The following GRIP1 variants were observed in gnomAD, a reference collection of about 807,000 sequenced individuals.
GRIP1 encodes the protein glutamate receptor-interacting protein 1.
A neutral mutation model predicts 129.9 loss-of-function variants in GRIP1; 45 were observed. The ratio of observed to expected loss-of-function variants is 0.35; its 90% confidence interval spans 0.27 to 0.44. The LOEUF (loss-of-function observed/expected upper bound fraction) is 0.44, where lower values mean the gene tolerates loss of function less well. Among genes scored for constraint, GRIP1 ranks in the 20% least tolerant of loss-of-function variants. GRIP1 has a pLI of 1.00. For missense variants in GRIP1, 1,196 were observed against 1,396.8 expected, an observed-to-expected ratio of 0.86 and a Z score of 2.29; for synonymous variants, 530 against 520.8, an observed-to-expected ratio of 1.02 and a Z score of -0.24.
intron 19 of GRIP1, 26 bp downstream of exon 19, chr12:66,392,282 C>G: frequency 1.5e-6 from 2 of 1,373,118 alleles, no homozygotes; most frequent in Non-Finnish European, 2.1e-6. Context: ...ATGACAAGTC[C>G]TCTGGGGGAC....
At chr12:66,810,596 A>AG (rs35741614) in intron 1 of GRIP1, among the ~76,000 whole-genome samples, 98,572 of 151,774 alleles carry the variant, frequency 0.65, 32,143 homozygotes, top group African/African-American at 0.71. Context: ...TAGTTATGTG[A>AG]GGTAGATAGG....
intron 1 of GRIP1, among the ~76,000 whole-genome samples, chr12:66,760,013 C>T (rs528499115): frequency 6.6e-6 from 1 of 152,158 alleles, no homozygotes; most frequent in African/African-American, 2.4e-5. Flanking sequence ...CACCACCATG[C>T]CTGGCTAAGT....
rs1348992752 is a variant in GRIP1 at position 66,627,240 on chromosome 12, G to A, written c.56-30313C>T. ...TAAGATGTTTCTGTACTGCTAAGGAGACTGCAATCCTGAAATTCAACACAA... is the reference window on the plus strand; with the variant it reads ...TAAGATGTTTCTGTACTGCTAAGGAAACTGCAATCCTGAAATTCAACACAA... On this transcript the variant is annotated intron_variant, in intron 1 of 24. Transcript: ENST00000359742. Among the ~76,000 whole-genome samples the A allele has an allele frequency of 2.0e-5, 3 of 152,134 alleles. 1 individual carries two copies. Among genetic ancestry groups the A allele is most frequent in the African/African-American group, 7.2e-5 (3 of 41,414 alleles).
At chr12:67,061,207 A>G (rs1402871183) in intron 1 of GRIP1, among the ~76,000 whole-genome samples, 1 of 152,256 alleles carries the variant, frequency 6.6e-6, no homozygotes, top group Non-Finnish European at 1.5e-5. Flanking sequence ...ATGAAACACA[A>G]GTTATCCAAA....
rs1196673341 is a variant in GRIP1, at chr12:66,959,683, C to T, written c.58+109367G>A. On this transcript the variant is annotated intron_variant, in intron 1 of 1. Coordinates refer to the GRIP1 transcript ENST00000643019. The stretch of plus-strand genomic sequence containing the variant: ...TAGAAAATATCATTTTAAAAAGCAG[C>T]TTCAAATATATATGTATCTCTTTCC... Among the ~76,000 whole-genome samples, 5 of 152,074 alleles carry T rather than the reference C, an allele frequency of 3.3e-5. No homozygotes were observed. The East Asian group carries it at 9.6e-4, about 29-fold the overall frequency.
intron 17 of GRIP1, 122 bp from the exon 18 acceptor site, chr12:66,392,938 C>T: frequency 1.0e-6 from 1 of 952,546 alleles, no homozygotes; most frequent in South Asian, 1.3e-5. Context: ...TCCAGAAGTC[C>T]CTTCTTGCTT....
At chr12:66,631,152 G>T (rs558607284) in intron 1 of GRIP1, among the ~76,000 whole-genome samples, 1 of 152,226 alleles carries the variant, frequency 6.6e-6, no homozygotes, top group African/African-American at 2.4e-5. Context: ...TGGCCAGGCT[G>T]GTCTTGAACT....
At chr12:66,685,763 C>T (rs1376888489) in intron 1 of GRIP1, among the ~76,000 whole-genome samples, 1 of 152,186 alleles carries the variant, frequency 6.6e-6, no homozygotes, top group Non-Finnish European at 1.5e-5. Context: ...CCCAGCTTAT[C>T]ACCCTTTCTT....
At chr12:66,388,359 G>T (rs1207878977) in intron 19 of GRIP1, among the ~76,000 whole-genome samples, 3 of 152,086 alleles carry the variant, frequency 2.0e-5, no homozygotes, top group Non-Finnish European at 4.4e-5. Flanking sequence ...GACCTCAAAA[G>T]GGAGAAAAAT....
chr12:66,758,467 T>C (rs553181765), intron 1 of GRIP1, among the ~76,000 whole-genome samples: 46 of 151,774 alleles, frequency 3.0e-4, no homozygotes, highest in Non-Finnish European at 6.0e-4. Context: ...AGCCAAATCA[T>C]ATCATTCTGC....
At chr12:66,426,497 G>A (rs3922802) in intron 14 of GRIP1, among the ~76,000 whole-genome samples, 99,433 of 151,996 alleles carry the variant, frequency 0.65, 33,923 homozygotes, top group Non-Finnish European at 0.77. Context: ...TGAATGCAAT[G>A]TATTTGTTGC....
chr12:66,444,753 G>A (rs770919741), intron 12 of GRIP1, 24 bp from the exon 13 acceptor site: 5 of 1,612,064 alleles, frequency 3.1e-6, no homozygotes, highest in Non-Finnish European at 4.2e-6. Context: ...ACATGTGAGA[G>A]GTTGTAGATG....
At position 66,803,852 on chromosome 12, in the gene GRIP1, C is replaced by T. The variant is rs1461114233; in HGVS notation, c.-420+201G>A. On this transcript the variant is annotated intron_variant, in intron 1 of 4. Transcript: ENST00000538373. ...TATTAACGATGTGTACAGACCTTGG[C>T]TGGTGACACTGTCTAGATGCTATTA... 5 of 263,112 alleles carry T rather than the reference C, an allele frequency of 1.9e-5. No homozygotes were observed. The East Asian group carries it at 4.3e-4, about 23-fold the overall frequency. The allele number at this position is 263,112 out of a possible 1,614,324, so 16.3% of individuals were successfully genotyped here.
chr12:67,006,346 C>T (rs1297227613), intron 1 of GRIP1, among the ~76,000 whole-genome samples: 5 of 152,160 alleles, frequency 3.3e-5, no homozygotes, highest in Non-Finnish European at 7.4e-5. Context: ...AGGAGGATCA[C>T]TTGAGCCTAG....
At chr12:66,851,821 T>C (rs1331827786) in intron 1 of GRIP1, among the ~76,000 whole-genome samples, 1 of 152,132 alleles carries the variant, frequency 6.6e-6, no homozygotes, top group Non-Finnish European at 1.5e-5. Context: ...TTCTTTGTAG[T>C]AAATAAGCAA....
chr12:66,466,266 C>T (rs764770707), intron 7 of GRIP1, among the ~76,000 whole-genome samples: 3 of 152,162 alleles, frequency 2.0e-5, no homozygotes, highest in African/African-American at 4.8e-5. Flanking sequence ...GTGGCCAGTA[C>T]GGACGACATG....
chr12:67,050,167 G>A (rs1319592924), intron 1 of GRIP1, among the ~76,000 whole-genome samples: 1 of 151,234 alleles, frequency 6.6e-6, no homozygotes, highest in Non-Finnish European at 1.5e-5. Context: ...TTTACTATTT[G>A]CCTTTTAATT....
chr12:66,541,966 C>A lies in GRIP1; in HGVS notation c.137-16G>T. On this transcript the variant is annotated splice_polypyrimidine_tract_variant and intron_variant, in intron 2 of 24. Coordinates refer to ENST00000359742, the MANE Select transcript of GRIP1 (RefSeq NM_001366722.1). ...TTGAATTCCTCTGTTAAAAGAAAAG[C>A]ATTTGCCTTATTAAAATGAGAGTAG... The A allele has an allele frequency of 3.1e-6, 5 of 1,612,786 alleles. No individual in the cohort carries two copies. The highest frequency in any genetic ancestry group is 4.2e-6 in the Non-Finnish European group (5 of 1,178,816).
intron 1 of GRIP1, among the ~76,000 whole-genome samples, chr12:66,923,979 G>T (rs913408323): frequency 6.6e-6 from 1 of 152,006 alleles, no homozygotes; most frequent in African/African-American, 2.4e-5. Context: ...CGAGTAGCTG[G>T]GATTACATGT....
Sources: allele counts gnomAD v4.1 joint callset (sites outside exome capture counted in the v4.1 genomes callset), GRCh38; gene constraint gnomAD v4.1.1; transcripts MANE v1.5; gene names NCBI Gene and HGNC (gene_info 2026-07-23, HGNC 2026-07-21).